Variants in TBC1D5 observed in about 807,000 individuals in gnomAD.
TBC1D5 encodes TBC1 domain family member 5.
TBC1D5 carries 75 observed loss-of-function variants against 100.3 expected under a neutral mutation model. The ratio of observed to expected loss-of-function variants is 0.75; its 90% confidence interval spans 0.62 to 0.91. TBC1D5 has a LOEUF of 0.91. Ranked by LOEUF, TBC1D5 falls within the 40% of genes least tolerant of loss-of-function variation. The probability of loss-of-function intolerance (pLI) is 0.00; values close to 1 mark genes in which losing one functional copy is unlikely to be tolerated. For missense variants in TBC1D5, 910 were observed against 942.4 expected, an observed-to-expected ratio of 0.97 and a Z score of 0.45; for synonymous variants, 323 against 325.6, an observed-to-expected ratio of 0.99 and a Z score of 0.09.
intron 1 of TBC1D5, among the ~76,000 whole-genome samples, chr3:17,625,518 T>G (rs1234901003): frequency 1.3e-5 from 2 of 152,048 alleles, no homozygotes; most frequent in Non-Finnish European, 2.9e-5. Context: ...CATCTCAACA[T>G]CACTCTTCAT....
At position 17,291,932 on chromosome 3, in the gene TBC1D5, G is replaced by A. The variant is rs200281517; in HGVS notation, c.1208C>T (p.Ser403Leu). The stretch of plus-strand genomic sequence containing the variant: ...AAGGAACAGAGCCTTAAGAATCAGT[G>A]AGTGTACATCCCCGATGAATGGGTA... Residue 403 changes from serine to leucine, a missense_variant, in exon 15 of 22, where the codon TCA becomes TTA. By Grantham distance (145) the Ser-to-Leu change is moderately radical. Coordinates refer to ENST00000253692, the Ensembl canonical transcript of TBC1D5. 2.3e-5 allele frequency: 37 copies of A among 1,613,822 alleles called. 1 individual carries two copies. Among genetic ancestry groups the A allele is most frequent in the Middle Eastern group, 3.3e-4 (2 of 6,082 alleles).
intron 8 of TBC1D5, among the ~76,000 whole-genome samples, chr3:17,394,172 C>A (rs1408325182): frequency 6.6e-6 from 1 of 152,072 alleles, no homozygotes; most frequent in South Asian, 2.1e-4. Context: ...AATATATAAA[C>A]CCAGAAGGCA....
intron 15 of TBC1D5, among the ~76,000 whole-genome samples, chr3:17,283,578 C>T (rs913236434): frequency 3.9e-5 from 6 of 152,096 alleles, no homozygotes; most frequent in Admixed American, 6.5e-5. Flanking sequence ...GACCATGTGA[C>T]GGCCAAGAGG....
chr3:17,362,619 G>A lies in TBC1D5; in HGVS notation c.995+9456C>T, dbSNP rs553189628. On this transcript the variant is annotated intron_variant, in intron 13 of 21. Transcript: ENST00000253692. ...CCCAAGTAGTTGAGATTACAGGCAT[G>A]TGCCACCTCACATGACTAAGTTTTG... Among the ~76,000 whole-genome samples the A allele has an allele frequency of 2.0e-5, 3 of 152,068 alleles. No individual in the cohort carries two copies. The South Asian group carries it at 6.2e-4, about 32-fold the overall frequency.
chr3:17,230,677 G>C (rs990573768), intron 17 of TBC1D5, among the ~76,000 whole-genome samples: 2 of 151,920 alleles, frequency 1.3e-5, no homozygotes, highest in African/African-American at 4.8e-5. Context: ...TAACACAAAT[G>C]TATATATACA....
At chr3:17,356,256 T>C (rs1281107568) in intron 13 of TBC1D5, among the ~76,000 whole-genome samples, 4 of 152,196 alleles carry the variant, frequency 2.6e-5, no homozygotes, top group Non-Finnish European at 5.9e-5. Flanking sequence ...ATTGAGCTTT[T>C]GCTGAAATAG....
At chr3:17,725,960 T>G (rs1475276896) in intron 1 of TBC1D5, among the ~76,000 whole-genome samples, 2 of 152,220 alleles carry the variant, frequency 1.3e-5, no homozygotes, top group Admixed American at 6.5e-5. Context: ...AGTGAGAACA[T>G]GCAGTATCTG....
At chr3:17,582,144 TATC>T (rs747944312) in intron 2 of TBC1D5, among the ~76,000 whole-genome samples, 45 of 152,346 alleles carry the variant, frequency 3.0e-4, no homozygotes, top group Non-Finnish European at 4.7e-4. Flanking sequence ...TGCTGCTACT[TATC>T]AACCTCTCCA....
intron 3 of TBC1D5, among the ~76,000 whole-genome samples, chr3:17,486,652 T>G (rs1015297639): frequency 2.0e-5 from 3 of 152,114 alleles, no homozygotes; most frequent in Non-Finnish European, 4.4e-5. Flanking sequence ...TAGTCAAAAC[T>G]TAAACAGAGG....
At chr3:17,359,337 G>A (rs982489906) in intron 13 of TBC1D5, among the ~76,000 whole-genome samples, 1 of 152,046 alleles carries the variant, frequency 6.6e-6, no homozygotes, top group African/African-American at 2.4e-5. Context: ...CACTAAGCAA[G>A]CTCCATCATT....
chr3:17,721,718 C>T (rs915521079), intron 1 of TBC1D5, among the ~76,000 whole-genome samples: 2 of 150,150 alleles, frequency 1.3e-5, no homozygotes, highest in African/African-American at 2.5e-5. Context: ...TGGTGGCTCA[C>T]GCCTGTAATC....
chr3:17,202,967 C>A (rs1240775929), intron 18 of TBC1D5, among the ~76,000 whole-genome samples: 1 of 152,204 alleles, frequency 6.6e-6, no homozygotes, highest in Non-Finnish European at 1.5e-5. Context: ...TGGGGCACTG[C>A]CTAGTGGAGT....
intron 17 of TBC1D5, among the ~76,000 whole-genome samples, chr3:17,226,009 G>A (rs2074850602): frequency 1.3e-5 from 2 of 151,834 alleles, no homozygotes; most frequent in South Asian, 4.2e-4. Context: ...TATCCGCAGG[G>A]GTCCTGGAAC....
chr3:17,441,830 A>G (rs12106762), intron 3 of TBC1D5, among the ~76,000 whole-genome samples: 13,854 of 152,186 alleles, frequency 0.091, 1,428 homozygotes, highest in African/African-American at 0.26. Flanking sequence ...AATTAACTTG[A>G]TTTCTCAATA....
intron 18 of TBC1D5, among the ~76,000 whole-genome samples, chr3:17,191,748 C>T (rs2069933134): frequency 6.6e-6 from 1 of 151,692 alleles, no homozygotes; most frequent in South Asian, 2.1e-4. Context: ...TCCCAAGTAG[C>T]TGGGATTACA....
intron 3 of TBC1D5, among the ~76,000 whole-genome samples, chr3:17,449,556 C>T (rs1464304259): frequency 1.3e-5 from 2 of 152,110 alleles, no homozygotes; most frequent in Non-Finnish European, 2.9e-5. Context: ...GGGGAAGGGG[C>T]GTCCACCATT....
intron 16 of TBC1D5, among the ~76,000 whole-genome samples, chr3:17,249,712 C>T (rs995684086): frequency 5.9e-5 from 9 of 152,144 alleles, no homozygotes; most frequent in African/African-American, 2.2e-4. Context: ...TTTATAGCAA[C>T]ACAAAAATGG....
intron 3 of TBC1D5, among the ~76,000 whole-genome samples, chr3:17,485,542 C>A (rs1365203991): frequency 1.4e-4 from 19 of 136,634 alleles, no homozygotes; most frequent in African/African-American, 4.9e-4. Context: ...CTTCCTGTGT[C>A]CATGTGTTCT....
intron 3 of TBC1D5, among the ~76,000 whole-genome samples, chr3:17,502,569 T>G (rs1203975984): frequency 2.0e-5 from 3 of 149,514 alleles, no homozygotes; most frequent in South Asian, 2.1e-4. Flanking sequence ...GCCATTGTTT[T>G]TGCTACCATA....
Sources: gnomAD v4.1 joint callset for allele counts (sites outside exome capture counted in the v4.1 genomes callset) on GRCh38, gnomAD v4.1.1 for gene constraint, MANE v1.5 for transcripts, NCBI Gene and HGNC (gene_info 2026-07-23, HGNC 2026-07-21) for gene names.